ELMO1: variants seen among roughly 807,000 people sequenced by gnomAD.
The protein encoded by ELMO1 is engulfment and cell motility protein 1.
Under a neutral mutation model 98.9 loss-of-function variants are expected in ELMO1, and 26 were observed. That is an observed-to-expected ratio of 0.26 (90% CI 0.19 to 0.36). The LOEUF (loss-of-function observed/expected upper bound fraction) is 0.36. Ranked by LOEUF, ELMO1 falls within the 10% of genes least tolerant of loss-of-function variation. The probability of loss-of-function intolerance (pLI) is 1.00; values close to 1 mark genes in which losing one functional copy is unlikely to be tolerated. For missense variants in ELMO1, 627 were observed against 935.2 expected, an observed-to-expected ratio of 0.67 and a Z score of 4.30; for synonymous variants, 346 against 346.0, an observed-to-expected ratio of 1.00 and a Z score of 0.00.
At chr7:37,269,166 T>C (rs1036393868) in intron 5 of ELMO1, among the ~76,000 whole-genome samples, 3 of 152,342 alleles carry the variant, frequency 2.0e-5, no homozygotes, top group East Asian at 3.9e-4. Flanking sequence ...TGCAAAACTA[T>C]AAAAAATAAC....
At chr7:37,191,458 C>G (rs1791571144) in intron 13 of ELMO1, among the ~76,000 whole-genome samples, 1 of 152,008 alleles carries the variant, frequency 6.6e-6, no homozygotes, top group Admixed American at 6.5e-5. Flanking sequence ...CAAAAATGTT[C>G]TTATATTTTG....
chr7:37,304,808 G>A (rs1798524509), intron 4 of ELMO1, among the ~76,000 whole-genome samples: 2 of 152,108 alleles, frequency 1.3e-5, no homozygotes, highest in East Asian at 1.9e-4. Flanking sequence ...AGTTTTTCCT[G>A]TTTTCCAAAA....
At chr7:37,172,586 G>A (rs982368112) in intron 13 of ELMO1, among the ~76,000 whole-genome samples, 2 of 152,168 alleles carry the variant, frequency 1.3e-5, no homozygotes, top group Non-Finnish European at 2.9e-5. Flanking sequence ...GCTGTAAATG[G>A]AGGAGCTAAG....
At chr7:37,123,272 A>T (rs1378241258) in intron 14 of ELMO1, among the ~76,000 whole-genome samples, 1 of 152,216 alleles carries the variant, frequency 6.6e-6, no homozygotes, top group East Asian at 1.9e-4. Context: ...AGAAGGCAAG[A>T]AGTAACTAAG....
At chr7:37,265,732 T>G (rs536867121) in intron 5 of ELMO1, among the ~76,000 whole-genome samples, 66 of 152,098 alleles carry the variant, frequency 4.3e-4, no homozygotes, top group Admixed American at 2.0e-3. Flanking sequence ...AGGCTCCTCC[T>G]CTAAACCTTA....
intron 13 of ELMO1, among the ~76,000 whole-genome samples, chr7:37,155,306 G>A (rs895934157): frequency 6.6e-6 from 1 of 151,816 alleles, no homozygotes; most frequent in Non-Finnish European, 1.5e-5. Flanking sequence ...TCACACATAA[G>A]TAACACCAAT....
intron 4 of ELMO1, among the ~76,000 whole-genome samples, chr7:37,307,563 G>A (rs895521285): frequency 1.1e-4 from 17 of 152,086 alleles, no homozygotes; most frequent in African/African-American, 3.4e-4. Context: ...GAATACATCA[G>A]GTAACCGAAT....
intron 14 of ELMO1, among the ~76,000 whole-genome samples, chr7:37,105,181 G>A (rs571598058): frequency 4.6e-5 from 7 of 152,326 alleles, no homozygotes; most frequent in Admixed American, 1.3e-4. Flanking sequence ...ACGTTTTGCC[G>A]AAAGGCCCTC....
intron 14 of ELMO1, among the ~76,000 whole-genome samples, chr7:37,103,162 AATAATTACAT>A: frequency 6.6e-6 from 1 of 152,240 alleles, no homozygotes; most frequent in Non-Finnish European, 1.5e-5. Context: ...CTATCACCAT[AATAATTACAT>A]AAACGCTTGT....
chr7:37,306,988 A>G (rs1481167401), intron 4 of ELMO1, among the ~76,000 whole-genome samples: 1 of 152,192 alleles, frequency 6.6e-6, no homozygotes, highest in African/African-American at 2.4e-5. Flanking sequence ...AATTACCCCA[A>G]TGACTGGAAT....
At chr7:37,142,771 T>C (rs1393589813) in intron 13 of ELMO1, among the ~76,000 whole-genome samples, 1 of 152,204 alleles carries the variant, frequency 6.6e-6, no homozygotes, top group Non-Finnish European at 1.5e-5. Flanking sequence ...CTATTTCTAG[T>C]GTTGCTATAT....
chr7:37,084,705 T>G (rs1783669314), intron 15 of ELMO1, among the ~76,000 whole-genome samples: 1 of 152,068 alleles, frequency 6.6e-6, no homozygotes, highest in South Asian at 2.1e-4. Context: ...CTCTGTTACA[T>G]AGAAAGCATC....
intron 16 of ELMO1, among the ~76,000 whole-genome samples, chr7:36,967,400 C>T (rs1020311097): frequency 6.6e-6 from 1 of 152,096 alleles, no homozygotes; most frequent in African/African-American, 2.4e-5. Flanking sequence ...GAGGTAGGGC[C>T]CAGTGATATG....
intron 4 of ELMO1, among the ~76,000 whole-genome samples, chr7:37,273,034 TA>T (rs1234379966): frequency 6.6e-6 from 1 of 152,234 alleles, no homozygotes; most frequent in Non-Finnish European, 1.5e-5. Context: ...TCTGTCTCAG[TA>T]AAGCTGTTTC....
At chr7:37,085,332 GTTTT>G (rs1374163261) in intron 15 of ELMO1, among the ~76,000 whole-genome samples, 3 of 151,932 alleles carry the variant, frequency 2.0e-5, no homozygotes, top group African/African-American at 7.3e-5. Context: ...CTTCTGTTTT[GTTTT>G]TTTATTTTTT....
intron 1 of ELMO1, among the ~76,000 whole-genome samples, chr7:37,408,695 ATTAT>A (rs904555717): frequency 7.2e-5 from 11 of 152,322 alleles, no homozygotes; most frequent in African/African-American, 1.7e-4. Context: ...ACTTCTAGGG[ATTAT>A]TTAAAGTAGT....
chr7:36,984,949 T>G, intron 16 of ELMO1: 1 of 985,406 alleles, frequency 1.0e-6, no homozygotes, highest in Non-Finnish European at 1.2e-6. Flanking sequence ...TTATAACTCG[T>G]CTGGAATCCT....
rs1282609737 is a variant in ELMO1, at chr7:37,192,968, GAGATATATATATATAT to G, written c.1086+18402_1086+18417del. Among the ~76,000 whole-genome samples, 180 of 94,254 alleles carry G rather than the reference GAGATATATATATATAT, an allele frequency of 1.9e-3. 1 individual carries two copies. The highest frequency in any genetic ancestry group is 2.8e-3 in the Non-Finnish European group (139 of 49,624). 61.8% of individuals were successfully genotyped at this position (94,254 alleles called of 152,430 possible). Reference sequence around the variant, plus strand: ...ACATATATATTTTTTATATATATAGGAGATATATATATATATATATATATATATATATATATATATA... The same window carrying G: ...ACATATATATTTTTTATATATATAGGATATATATATATATATATATATATA... On this transcript the variant is annotated intron_variant, in intron 13 of 21. Coordinates refer to ENST00000310758, the MANE Select transcript of ELMO1 (RefSeq NM_014800.11).
chr7:36,858,690 T>C (rs922211470), intron 21 of ELMO1, among the ~76,000 whole-genome samples: 8 of 151,628 alleles, frequency 5.3e-5, no homozygotes, highest in African/African-American at 1.7e-4. Context: ...GTCAGAGAAG[T>C]GAGAGGTAGA....
Sources: allele counts gnomAD v4.1 joint callset (sites outside exome capture counted in the v4.1 genomes callset), GRCh38; gene constraint gnomAD v4.1.1; transcripts MANE v1.5; gene names NCBI Gene and HGNC (gene_info 2026-07-23, HGNC 2026-07-21).